The following MIA2 variants were observed in gnomAD, a reference collection of about 807,000 sequenced individuals.
MIA2 encodes melanoma inhibitory activity protein 2.
A neutral mutation model predicts 167.8 loss-of-function variants in MIA2; 127 were observed. The ratio of observed to expected loss-of-function variants is 0.76; its 90% CI spans 0.66 to 0.88. MIA2 has a LOEUF of 0.88. Ranked by LOEUF, MIA2 falls within the 40% of genes least tolerant of loss-of-function variation. MIA2 has a pLI of 0.00. For missense variants in MIA2, 1,690 were observed against 1,624.7 expected (o/e 1.04, Z -0.69); for synonymous variants, 552 against 541.9 (o/e 1.02, Z -0.26).
At chr14:39,363,297 A>C (rs907584448) in intron 23 of MIA2, among the ~76,000 whole-genome samples, 8 of 152,218 alleles carry the variant, frequency 5.3e-5, no homozygotes, top group African/African-American at 9.6e-5. Context: ...TGGGAGGCCA[A>C]GGTGGGAGGT....
chr14:39,333,641 A>T (rs562061710), intron 25 of MIA2, among the ~76,000 whole-genome samples: 2 of 152,058 alleles, frequency 1.3e-5, no homozygotes, highest in Admixed American at 6.5e-5. Context: ...TGGAAAACTC[A>T]CCCCATACCC....
chr14:39,356,002 G>A (rs546264861), downstream of MIA2, among the ~76,000 whole-genome samples: 1 of 152,286 alleles, frequency 6.6e-6, no homozygotes, highest in Admixed American at 6.5e-5. Context: ...AGGGATATTG[G>A]TCTAAAATTC....
chr14:39,314,617 T>TTTG (rs1246049544), intron 19 of MIA2, 122 bp from the exon 20 acceptor site: 9 of 439,382 alleles, frequency 2.0e-5, no homozygotes, highest in Middle Eastern at 1.2e-3. Context: ...GGAGTTTTTT[T>TTTG]TTTTTTTTTT....
intron 6 of MIA2, chr14:39,266,034 C>T (rs1594762773): frequency 1.0e-6 from 1 of 985,308 alleles, no homozygotes; most frequent in South Asian, 4.7e-5. Context: ...AAATCACTTG[C>T]TGTGAACTTG....
chr14:39,294,260 C>T lies in MIA2; in HGVS notation c.2391+189C>T, dbSNP rs376769135. ...TTGCCCAGGCTGGAGTATAGCAGCA[C>T]GATCTTGGCTCACTGCAACCTCCAC... On this transcript the variant is annotated intron_variant, in intron 12 of 28. Transcript: ENST00000640607. 4.3e-3 allele frequency among the ~76,000 whole-genome samples: 659 copies of T among 151,860 alleles called. 4 individuals are homozygous for T. The highest frequency in any genetic ancestry group is 0.01 in the African/African-American group (423 of 41,410).
At chr14:39,245,087 T>TTTTTTTTC (rs1288588083) in intron 3 of MIA2, among the ~76,000 whole-genome samples, 3 of 149,188 alleles carry the variant, frequency 2.0e-5, no homozygotes, top group Non-Finnish European at 4.5e-5. Context: ...TAACCTTTTT[T>TTTTTTTTC]TTTTTTAAAG....
At chr14:39,333,344 G>T (rs1285118793) in intron 25 of MIA2, among the ~76,000 whole-genome samples, 1 of 152,206 alleles carries the variant, frequency 6.6e-6, no homozygotes, top group Non-Finnish European at 1.5e-5. Context: ...CCCTTCTGTG[G>T]TGGGGAACAG....
chr14:39,351,810 T>C (rs2074393302), downstream of MIA2, among the ~76,000 whole-genome samples: 2 of 152,160 alleles, frequency 1.3e-5, no homozygotes, highest in South Asian at 2.1e-4. Context: ...GGTTTCACCA[T>C]GTTAGCCAGG....
At chr14:39,327,169 AAAC>A (rs1290930394) in intron 25 of MIA2, 147 bp downstream of exon 25, 112 of 534,462 alleles carry the variant, frequency 2.1e-4, no homozygotes, top group Non-Finnish European at 2.8e-4. Context: ...TAAATAATCT[AAAC>A]AGAATGATTT....
At chr14:39,354,345 A>T (rs373744594), downstream of MIA2, among the ~76,000 whole-genome samples, 37 of 152,166 alleles carry the variant, frequency 2.4e-4, no homozygotes, top group African/African-American at 6.5e-4. Flanking sequence ...ATGTGTCTGT[A>T]GGCTGCATAA....
At chr14:39,289,907 A>G (rs564986438) in intron 9 of MIA2, among the ~76,000 whole-genome samples, 18 of 152,082 alleles carry the variant, frequency 1.2e-4, no homozygotes, top group Non-Finnish European at 2.5e-4. Flanking sequence ...GCTCATAACT[A>G]TGTCACCCCA....
At chr14:39,382,791 T>A (rs1176032859) in intron 23 of MIA2, among the ~76,000 whole-genome samples, 6 of 152,178 alleles carry the variant, frequency 3.9e-5, no homozygotes, top group Non-Finnish European at 1.5e-5. Context: ...AGACTTTTTA[T>A]TTTCCTTTCA....
intron 2 of MIA2, chr14:39,237,275 G>A: frequency 1.8e-6 from 1 of 544,458 alleles, no homozygotes; most frequent in Non-Finnish European, 3.3e-6. Context: ...CTACAGGTGT[G>A]TGTCACCACG....
At chr14:39,327,351 C>T (rs968034216) in intron 25 of MIA2, among the ~76,000 whole-genome samples, 1 of 152,084 alleles carries the variant, frequency 6.6e-6, no homozygotes, top group African/African-American at 2.4e-5. Context: ...GTGTCCTTCC[C>T]AGAATTTAGT....
At chr14:39,369,852 CT>C (rs33984632) in intron 23 of MIA2, among the ~76,000 whole-genome samples, 36,548 of 152,052 alleles carry the variant, frequency 0.24, 4,646 homozygotes, top group African/African-American at 0.33. Flanking sequence ...TTTCTCCCCC[CT>C]ATGTTGGCAG....
At chr14:39,263,379 A>C (rs1310092784) in intron 6 of MIA2, among the ~76,000 whole-genome samples, 2 of 149,828 alleles carry the variant, frequency 1.3e-5, no homozygotes, top group Non-Finnish European at 3.0e-5. Flanking sequence ...CTTGATCTTG[A>C]TGGATTGTTC....
At chr14:39,298,147 G>A (rs1345455184) in intron 13 of MIA2, among the ~76,000 whole-genome samples, 1 of 151,728 alleles carries the variant, frequency 6.6e-6, no homozygotes, top group Non-Finnish European at 1.5e-5. Flanking sequence ...GATCAAAAGT[G>A]GCCTTTTCCA....
chr14:39,293,776 C>A (rs1403000373), intron 11 of MIA2, among the ~76,000 whole-genome samples: 1 of 152,056 alleles, frequency 6.6e-6, no homozygotes, highest in African/African-American at 2.4e-5. Context: ...TATCTTGAGC[C>A]TATATAACTT....
chr14:39,318,888 T>C (rs753506248), intron 22 of MIA2, among the ~76,000 whole-genome samples: 3 of 152,160 alleles, frequency 2.0e-5, no homozygotes, highest in Non-Finnish European at 4.4e-5. Flanking sequence ...AATGATAGAC[T>C]GGTTGACCTT....
Sources: gnomAD v4.1 joint callset for allele counts (sites outside exome capture counted in the v4.1 genomes callset) on GRCh38, gnomAD v4.1.1 for gene constraint, MANE v1.5 for transcripts, NCBI Gene and HGNC (gene_info 2026-07-23, HGNC 2026-07-21) for gene names.